MYO9B: variants seen among roughly 807,000 people sequenced by gnomAD.
The protein encoded by MYO9B is unconventional myosin-IXb.
MYO9B carries 71 observed loss-of-function variants against 229.5 expected under a neutral mutation model. The observed-to-expected ratio is 0.31, with a 90% confidence interval of 0.26 to 0.38. The LOEUF (loss-of-function observed/expected upper bound fraction) is 0.38. Among genes scored for constraint, MYO9B ranks in the 10% least tolerant of loss-of-function variants. The pLI is 1.00. For missense variants in MYO9B, 2,255 were observed against 2,920.5 expected (o/e 0.77, Z 5.25); for synonymous variants, 1,185 against 1,235.8 (o/e 0.96, Z 0.86).
intron 2 of MYO9B, among the ~76,000 whole-genome samples, chr19:17,132,040 T>C (rs934663268): frequency 4.6e-5 from 7 of 151,484 alleles, no homozygotes; most frequent in Admixed American, 2.0e-4. Flanking sequence ...TCACCACGCC[T>C]GGCTATTTTT....
At chr19:17,114,817 G>A (rs2057884943) in intron 2 of MYO9B, among the ~76,000 whole-genome samples, 1 of 151,724 alleles carries the variant, frequency 6.6e-6, no homozygotes, top group Non-Finnish European at 1.5e-5. Flanking sequence ...CAGGAAACAA[G>A]TCAAGAACCA....
intron 2 of MYO9B, among the ~76,000 whole-genome samples, chr19:17,122,715 G>T (rs1254248527): frequency 6.6e-6 from 1 of 152,204 alleles, no homozygotes; most frequent in Non-Finnish European, 1.5e-5. Context: ...TGACAGGCAG[G>T]TATCAGTTAG....
chr19:17,197,678 A>G, intron 22 of MYO9B, 114 bp from the exon 23 acceptor site: 1 of 1,195,136 alleles, frequency 8.4e-7, no homozygotes, highest in Non-Finnish European at 1.2e-6. Flanking sequence ...GACATTGCCA[A>G]GTGTCCCCTG....
chr19:17,211,841 C>T, intron 39 of MYO9B, 54 bp from the exon 40 acceptor site: 4 of 1,605,738 alleles, frequency 2.5e-6, no homozygotes, highest in Non-Finnish European at 2.6e-6. Flanking sequence ...GGGCGAGGGT[C>T]CTCCGGCTGC....
intron 3 of MYO9B, among the ~76,000 whole-genome samples, chr19:17,151,405 G>A (rs986256451): frequency 8.5e-5 from 13 of 152,262 alleles, no homozygotes; most frequent in Admixed American, 2.0e-4. Context: ...AAATTGGAAA[G>A]GAATCCCCAG....
intron 28 of MYO9B, 98 bp from the exon 29 acceptor site, chr19:17,202,744 T>C: frequency 8.0e-7 from 1 of 1,252,670 alleles, no homozygotes; most frequent in South Asian, 1.4e-5. Context: ...TGAGGGAGGG[T>C]TCAGGGTACC....
rs1283849895 is a variant in MYO9B at position 17,205,823 on chromosome 19, A to C, written c.5065-137A>C. 4.6e-6 allele frequency: 4 copies of C among 867,716 alleles called. No individual in the cohort carries two copies. The African/African-American group carries it at 6.9e-5, about 15-fold the overall frequency. 53.8% of individuals were successfully genotyped at this position (867,716 alleles called of 1,614,324 possible). On this transcript the variant is annotated intron_variant, in intron 31 of 39. Transcript: ENST00000682292. ...AGCCCCACACCCCCAACAACCACGC[A>C]GAAGGAGACAGGGAGGGACAGAACA... is the stretch of plus-strand genomic sequence containing the variant.
At chr19:17,202,415 T>G in intron 28 of MYO9B, 112 bp downstream of exon 28, 1 of 1,066,364 alleles carries the variant, frequency 9.4e-7, no homozygotes, top group Non-Finnish European at 1.3e-6. Context: ...CACCCACCCA[T>G]GCCCTGCCCA....
At chr19:17,082,504 C>T (rs1212709100) in intron 1 of MYO9B, among the ~76,000 whole-genome samples, 1 of 152,124 alleles carries the variant, frequency 6.6e-6, no homozygotes, top group Non-Finnish European at 1.5e-5. Context: ...GAGGCGTCTG[C>T]CACCTCCTGC....
chr19:17,126,510 G>A (rs1488127673), intron 2 of MYO9B, among the ~76,000 whole-genome samples: 2 of 152,202 alleles, frequency 1.3e-5, no homozygotes, highest in East Asian at 3.9e-4. Flanking sequence ...CCCAGTCTCT[G>A]TCAGAATGGC....
At position 17,107,715 on chromosome 19, in the gene MYO9B, G is replaced by T. The variant is rs182282043; in HGVS notation, c.840+5158G>T. Among the ~76,000 whole-genome samples, 342 of 152,330 alleles carry T rather than the reference G, an allele frequency of 2.2e-3. 1 individual carries two copies. Among genetic ancestry groups the T allele is most frequent in the African/African-American group, 8.0e-3 (332 of 41,580 alleles). On this transcript the variant is annotated intron_variant, in intron 2 of 39. Coordinates refer to ENST00000682292, the MANE Select transcript of MYO9B (RefSeq NM_004145.4). ...CGTCACATCAGTCTCTGCCTCTGTC[G>T]TCAGGGGCGTTCTTCCTGTGTGTCC...
rs879710104 is a variant in MYO9B, at chr19:17,130,619, CAAAAAA to C, written c.841-14768_841-14763del. On this transcript the variant is annotated intron_variant, in intron 2 of 39. Coordinates refer to ENST00000682292, the MANE Select transcript of MYO9B (RefSeq NM_004145.4). Reference sequence around the variant, plus strand: ...TGGGTGACAGAGCGAGACTCCGTCTCAAAAAAAAAAAAAAATTAACCAGGCATGGTG... The same window carrying C: ...TGGGTGACAGAGCGAGACTCCGTCTCAAAAAAAAATTAACCAGGCATGGTG... Among the ~76,000 whole-genome samples, 8 of 110,364 alleles carry C rather than the reference CAAAAAA, an allele frequency of 7.2e-5. No homozygotes were observed. The East Asian group carries it at 2.1e-3, about 28-fold the overall frequency. 72.4% of individuals were successfully genotyped at this position (110,364 alleles called of 152,430 possible). A position where few individuals can be genotyped will look rare whatever the true frequency, so the allele number is the denominator to read the frequency against.
Position 17,145,388 on chromosome 19 carries a change from T to C in MYO9B, c.841-9T>C, listed in dbSNP as rs1435988077. The C allele has an allele frequency of 1.2e-6, 2 of 1,613,476 alleles. No homozygotes were observed. The highest frequency in any genetic ancestry group is 3.3e-5 in the Admixed American group (2 of 59,984). On this transcript the variant is annotated splice_polypyrimidine_tract_variant and intron_variant, in intron 2 of 39. Coordinates refer to ENST00000682292, the MANE Select transcript of MYO9B (RefSeq NM_004145.4). ...CCTGATCTGAAACCTGCTTTTGATT[T>C]CCTTGCAGGCTTTTGGAAATGCCAA...
chr19:17,084,493 A>G (rs2123446417), intron 1 of MYO9B, among the ~76,000 whole-genome samples: 1 of 152,140 alleles, frequency 6.6e-6, no homozygotes, highest in Non-Finnish European at 1.5e-5. Flanking sequence ...GACCCTGAGC[A>G]CCACGGGGTG....
chr19:17,167,898 T>G, intron 10 of MYO9B, 45 bp from the exon 11 acceptor site: 1 of 1,549,788 alleles, frequency 6.5e-7, no homozygotes, highest in Non-Finnish European at 8.7e-7. Flanking sequence ...AGATATTACA[T>G]ATCTGGGAGA....
At chr19:17,137,062 T>C (rs1289968450) in intron 2 of MYO9B, among the ~76,000 whole-genome samples, 3 of 152,022 alleles carry the variant, frequency 2.0e-5, no homozygotes, top group African/African-American at 4.8e-5. Flanking sequence ...AAACCCCGTC[T>C]CTACTTAAAA....
intron 10 of MYO9B, among the ~76,000 whole-genome samples, chr19:17,166,138 G>A (rs1194353516): frequency 6.6e-6 from 1 of 152,042 alleles, no homozygotes; most frequent in Non-Finnish European, 1.5e-5. Context: ...CACCTCCCAG[G>A]TTCTAGTGAT....
At chr19:17,198,077 C>G (rs1376516815) in intron 23 of MYO9B, 107 bp from the exon 24 acceptor site, 32 of 1,461,344 alleles carry the variant, frequency 2.2e-5, no homozygotes, top group Admixed American at 2.1e-4. Flanking sequence ...AAAAAAAAAG[C>G]AGGAAGTGAG....
chr19:17,203,827 A>C (rs2073133189), intron 30 of MYO9B, among the ~76,000 whole-genome samples: 1 of 151,686 alleles, frequency 6.6e-6, no homozygotes, highest in African/African-American at 2.4e-5. Context: ...GTCTCTGTAC[A>C]CGCTGCTCCA....
Sources: allele counts gnomAD v4.1 joint callset (sites outside exome capture counted in the v4.1 genomes callset), GRCh38; gene constraint gnomAD v4.1.1; transcripts MANE v1.5; gene names NCBI Gene and HGNC (gene_info 2026-07-23, HGNC 2026-07-21).